The following ZNF722 variants were observed in gnomAD, a reference collection of about 807,000 sequenced individuals.
ZNF722 encodes zinc finger protein 722, also known as zinc finger protein 479 pseudogene.
At chr7:64,013,039 G>A in the ZNF722 span, among the ~76,000 whole-genome samples, 1 of 152,148 alleles carries the variant, frequency 6.6e-6, no homozygotes, top group East Asian at 1.9e-4. Context: ...AGCAGATGCT[G>A]GCATATACTT....
chr7:64,004,355 G>A, the ZNF722 span, among the ~76,000 whole-genome samples: 1 of 143,242 alleles, frequency 7.0e-6, no homozygotes, highest in Admixed American at 7.2e-5. Flanking sequence ...GTTGCAGTGA[G>A]ATGAGATTGC....
the ZNF722 span, chr7:64,005,518 CTT>C: frequency 1.6e-6 from 1 of 636,238 alleles, no homozygotes; most frequent in Non-Finnish European, 2.8e-6. Flanking sequence ...ATTTTACTCT[CTT>C]TTTTAACTTG....
the ZNF722 span, chr7:64,014,900 T>C: frequency 1.1e-5 from 8 of 738,744 alleles, no homozygotes; most frequent in Non-Finnish European, 1.3e-5. Flanking sequence ...TATGAAGGAA[T>C]TATGGCCTGT....
chr7:63,999,612 G>A, the ZNF722 span, among the ~76,000 whole-genome samples: 3 of 152,124 alleles, frequency 2.0e-5, no homozygotes, highest in African/African-American at 7.2e-5. Context: ...AAAATGCCTT[G>A]GTTATGTCAT....
At chr7:64,009,076 A>C in the ZNF722 span, among the ~76,000 whole-genome samples, 1 of 152,024 alleles carries the variant, frequency 6.6e-6, no homozygotes, top group Non-Finnish European at 1.5e-5. Flanking sequence ...AATGCTTGTG[A>C]TTTTTGCACA....
chr7:64,017,252 C>T, the ZNF722 span, among the ~76,000 whole-genome samples: 2 of 152,082 alleles, frequency 1.3e-5, no homozygotes, highest in East Asian at 1.9e-4. Context: ...GGTGTGGTGG[C>T]GTGTGCCTGT....
the ZNF722 span, among the ~76,000 whole-genome samples, chr7:64,013,557 C>T: frequency 3.3e-5 from 5 of 151,274 alleles, no homozygotes; most frequent in South Asian, 4.2e-4. Flanking sequence ...AAAATTTGTC[C>T]GCATTATATC....
the ZNF722 span, among the ~76,000 whole-genome samples, chr7:64,004,428 ATATATATATAT>A: frequency 1.6e-5 from 1 of 64,262 alleles, no homozygotes; most frequent in East Asian, 3.9e-4. Context: ...AAAAAAAAAT[ATATATATATAT>A]ATATATATAT....
At chr7:64,005,481 G>A in the ZNF722 span, 2 of 533,482 alleles carry the variant, frequency 3.7e-6, no homozygotes, top group Non-Finnish European at 3.4e-6. Flanking sequence ...AATAATTTTA[G>A]TCAGTCTTAT....
chr7:64,015,234 T>C, the ZNF722 span: 3 of 1,225,450 alleles, frequency 2.4e-6, no homozygotes, highest in Non-Finnish European at 3.6e-6. Flanking sequence ...AAACAAAATA[T>C]TTCAGACTCA....
the ZNF722 span, chr7:64,014,885 A>G: frequency 3.0e-6 from 2 of 676,320 alleles, no homozygotes; most frequent in Admixed American, 6.4e-5. Flanking sequence ...TTAGGTTTAT[A>G]CATCTATGAA....
At chr7:64,014,997 T>C in the ZNF722 span, 1 of 1,254,224 alleles carries the variant, frequency 8.0e-7, no homozygotes, top group Non-Finnish European at 1.1e-6. Flanking sequence ...GTCTAGTAAG[T>C]GGAGTAACTT....
the ZNF722 span, among the ~76,000 whole-genome samples, chr7:64,003,842 A>C: frequency 6.6e-6 from 1 of 152,164 alleles, no homozygotes; most frequent in Non-Finnish European, 1.5e-5. Context: ...GGGGAAACAC[A>C]GTTGTCTTTG....
At chr7:64,003,911 TC>T in the ZNF722 span, among the ~76,000 whole-genome samples, 2,759 of 152,236 alleles carry the variant, frequency 0.018, 168 homozygotes, top group East Asian at 0.18. Context: ...CTCTATTAGT[TC>T]CATGCAGGAC....
the ZNF722 span, among the ~76,000 whole-genome samples, chr7:64,005,114 C>G: frequency 6.6e-6 from 1 of 152,096 alleles, no homozygotes; most frequent in Admixed American, 6.5e-5. Flanking sequence ...GCCTGGCCAA[C>G]ATGGAGAAAC....
the ZNF722 span, among the ~76,000 whole-genome samples, chr7:64,003,008 T>G: frequency 1.3e-5 from 2 of 152,300 alleles, no homozygotes; most frequent in Non-Finnish European, 2.9e-5. Context: ...AAAAGCCCAT[T>G]CCTGGAACTT....
the ZNF722 span, chr7:64,015,195 G>A: frequency 1.5e-6 from 2 of 1,295,576 alleles, no homozygotes; most frequent in South Asian, 1.2e-5. Flanking sequence ...AGGTTATAAT[G>A]AAGTTAAGCA....
chr7:64,006,017 C>T, the ZNF722 span, among the ~76,000 whole-genome samples: 2 of 152,050 alleles, frequency 1.3e-5, no homozygotes, highest in Non-Finnish European at 2.9e-5. Context: ...TCAGTTGCCA[C>T]CACCAATGTT....
chr7:64,012,570 C>T, the ZNF722 span, among the ~76,000 whole-genome samples: 3 of 152,144 alleles, frequency 2.0e-5, no homozygotes, highest in African/African-American at 7.2e-5. Flanking sequence ...ACCTTGGCCT[C>T]GCAAAGTGCT....
Sources: gnomAD v4.1 joint callset for allele counts (sites outside exome capture counted in the v4.1 genomes callset) on GRCh38, gnomAD v4.1.1 for gene constraint, MANE v1.5 for transcripts, NCBI Gene and HGNC (gene_info 2026-07-23, HGNC 2026-07-21) for gene names.